The following LRP1B variants were observed in gnomAD, a reference collection of about 807,000 sequenced individuals.
LRP1B encodes the protein LDL receptor related protein 1B, also known as low-density lipoprotein receptor-related protein 1B.
LRP1B carries 217 observed loss-of-function variants against 556.6 expected under a neutral mutation model. The ratio of observed to expected loss-of-function variants is 0.39; its 90% CI spans 0.35 to 0.44. LRP1B has a LOEUF of 0.44. LRP1B is among the 20% of genes least tolerant of loss of function. The pLI is 1.00. For synonymous variants in LRP1B, 2,047 were observed against 1,865.8 expected (o/e 1.10, Z -2.50); for missense variants, 5,053 against 5,620.8 (o/e 0.90, Z 3.23).
chr2:140,321,895 T>C (rs759931849), intron 82 of LRP1B, 68 bp downstream of exon 82: 1 of 1,465,636 alleles, frequency 6.8e-7, no homozygotes, highest in Non-Finnish European at 9.4e-7. Context: ...TTTCACTCCA[T>C]TTCACGAGGT....
chr2:141,788,033 A>C (rs575673416), intron 2 of LRP1B, among the ~76,000 whole-genome samples: 2 of 152,030 alleles, frequency 1.3e-5, no homozygotes, highest in Non-Finnish European at 2.9e-5. Context: ...TTATTTGGTT[A>C]GTTTTTCATA....
At chr2:141,645,658 T>C (rs1347004732) in intron 2 of LRP1B, among the ~76,000 whole-genome samples, 1 of 151,820 alleles carries the variant, frequency 6.6e-6, no homozygotes, top group African/African-American at 2.4e-5. Flanking sequence ...CAATTCTGAT[T>C]AGAAAATTAT....
intron 7 of LRP1B, among the ~76,000 whole-genome samples, chr2:141,119,130 T>G (rs540384915): frequency 3.9e-5 from 6 of 152,030 alleles, no homozygotes; most frequent in African/African-American, 1.4e-4. Flanking sequence ...TGCTAAATGC[T>G]CCATCTTTAA....
intron 1 of LRP1B, among the ~76,000 whole-genome samples, chr2:141,862,160 C>A (rs1195942540): frequency 6.6e-6 from 1 of 152,050 alleles, no homozygotes; most frequent in African/African-American, 2.4e-5. Context: ...TGAAACTAAA[C>A]CTTACCTTAA....
At chr2:141,724,674 G>T (rs1349039840) in intron 2 of LRP1B, among the ~76,000 whole-genome samples, 2 of 151,556 alleles carry the variant, frequency 1.3e-5, no homozygotes, top group East Asian at 1.9e-4. Flanking sequence ...CAGTGTTTTT[G>T]TTTGTTTTGT....
At chr2:141,663,410 T>TAAA (rs61206349) in intron 2 of LRP1B, among the ~76,000 whole-genome samples, 2 of 148,094 alleles carry the variant, frequency 1.4e-5, no homozygotes, top group Admixed American at 6.8e-5. Context: ...GCTGGTTTTG[T>TAAA]AAAAAAAAAA....
chr2:141,741,173 G>A (rs1217531805), intron 2 of LRP1B, among the ~76,000 whole-genome samples: 2 of 150,422 alleles, frequency 1.3e-5, no homozygotes, highest in African/African-American at 4.9e-5. Flanking sequence ...ATCTGTTGAT[G>A]GACACTGAGG....
At chr2:141,434,554 G>A (rs1339113162) in intron 3 of LRP1B, among the ~76,000 whole-genome samples, 1 of 152,072 alleles carries the variant, frequency 6.6e-6, no homozygotes, top group Non-Finnish European at 1.5e-5. Context: ...TTTAAGAGCT[G>A]CCTTGAAGTC....
At chr2:141,551,371 C>T (rs11902974) in intron 2 of LRP1B, among the ~76,000 whole-genome samples, 7,229 of 151,802 alleles carry the variant, frequency 0.048, 612 homozygotes, top group African/African-American at 0.17. Context: ...ATTTCTAAAA[C>T]TTATCAGGGA....
intron 1 of LRP1B, among the ~76,000 whole-genome samples, chr2:141,818,826 G>A (rs1034755464): frequency 5.9e-5 from 9 of 151,386 alleles, no homozygotes; most frequent in South Asian, 2.1e-4. Context: ...GTGAGCTACC[G>A]CACCTGGATA....
chr2:140,967,411 G>T (rs1696263268), intron 18 of LRP1B, among the ~76,000 whole-genome samples: 1 of 151,956 alleles, frequency 6.6e-6, no homozygotes, highest in Non-Finnish European at 1.5e-5. Context: ...CTTTGCTGAA[G>T]TTGCTTATCA....
chr2:141,585,023 A>G (rs1413349526), intron 2 of LRP1B, among the ~76,000 whole-genome samples: 2 of 152,202 alleles, frequency 1.3e-5, no homozygotes, highest in African/African-American at 4.8e-5. Context: ...ACACCTAAAA[A>G]TGGCTAAAAT....
intron 3 of LRP1B, among the ~76,000 whole-genome samples, chr2:141,390,037 C>T (rs951365053): frequency 6.6e-5 from 10 of 152,114 alleles, no homozygotes; most frequent in African/African-American, 2.2e-4. Flanking sequence ...ACTCAGGGGG[C>T]TGAGGCAAGA....
intron 2 of LRP1B, among the ~76,000 whole-genome samples, chr2:141,618,812 A>G (rs980244555): frequency 6.6e-6 from 1 of 152,224 alleles, no homozygotes; most frequent in Non-Finnish European, 1.5e-5. Context: ...CTCATGTGAT[A>G]GGATTAAAGT....
At chr2:141,291,780 C>T (rs1236606502) in intron 3 of LRP1B, among the ~76,000 whole-genome samples, 4 of 140,148 alleles carry the variant, frequency 2.9e-5, no homozygotes, top group South Asian at 4.6e-4. Flanking sequence ...GGCGTGAACC[C>T]GGGAGGCGGA....
chr2:141,620,983 C>A (rs552284593), intron 2 of LRP1B, among the ~76,000 whole-genome samples: 1 of 151,978 alleles, frequency 6.6e-6, no homozygotes, highest in South Asian at 2.1e-4. Context: ...ATTTGTTCAA[C>A]TCTAAGGCTA....
chr2:140,296,751 T>C (rs577467397), intron 84 of LRP1B, among the ~76,000 whole-genome samples: 2 of 152,310 alleles, frequency 1.3e-5, no homozygotes, highest in Admixed American at 1.3e-4. Context: ...GATTTGATCA[T>C]TATATATGGC....
rs75881565 is a variant in LRP1B at position 142,100,425 on chromosome 2, A to G, written c.82+30223T>C. On this transcript the variant is annotated intron_variant, in intron 1 of 90. Transcript: ENST00000389484. The stretch of plus-strand genomic sequence containing the variant: ...CCTGAAGTGAATACCAGCTTTTAGA[A>G]ACTAACATCTGCTGAGCCCCAGTGC... 1.7e-3 allele frequency among the ~76,000 whole-genome samples: 251 copies of G among 152,112 alleles called. 2 individuals carry two copies. The highest frequency in any genetic ancestry group is 5.9e-3 in the African/African-American group (245 of 41,532).
chr2:140,786,445 ACAAT>A (rs1689903912), intron 32 of LRP1B, among the ~76,000 whole-genome samples: 1 of 152,210 alleles, frequency 6.6e-6, no homozygotes, highest in Non-Finnish European at 1.5e-5. Flanking sequence ...CTCCACCTGG[ACAAT>A]CAGAGGTGGA....
Sources: allele counts gnomAD v4.1 joint callset (sites outside exome capture counted in the v4.1 genomes callset), GRCh38; gene constraint gnomAD v4.1.1; transcripts MANE v1.5; gene names NCBI Gene and HGNC (gene_info 2026-07-23, HGNC 2026-07-21).